Variants in NAV2 observed in about 807,000 individuals in gnomAD.
NAV2 encodes neuron navigator 2.
NAV2 carries 54 observed loss-of-function variants against 223.2 expected under a neutral mutation model. The ratio of observed to expected loss-of-function variants is 0.24; its 90% CI spans 0.19 to 0.30. The LOEUF (loss-of-function observed/expected upper bound fraction) is 0.30. NAV2 is among the 10% of genes least tolerant of loss of function. The pLI is 1.00. For missense variants in NAV2, 2,806 were observed against 3,147.5 expected, an observed-to-expected ratio of 0.89 and a Z score of 2.60; for synonymous variants, 1,279 against 1,239.3, an observed-to-expected ratio of 1.03 and a Z score of -0.67.
In NAV2 at chr11:19,663,857, CA is replaced by C. The variant is rs545389086; in HGVS notation, c.76-168626del. On this transcript the variant is annotated intron_variant, in intron 1 of 37. Transcript: ENST00000360655. ...ATCTTCGATGTTAAGAGTATGGACTCATTTTCTAATACATGTTTTCTGCTAT... is the reference window on the plus strand; with the variant it reads ...ATCTTCGATGTTAAGAGTATGGACTCTTTTCTAATACATGTTTTCTGCTAT... 8.5e-4 allele frequency among the ~76,000 whole-genome samples: 129 copies of C among 152,304 alleles called. 1 individual carries two copies. Among genetic ancestry groups the C allele is most frequent in the South Asian group, 3.1e-3 (15 of 4,822 alleles).
intron 1 of NAV2, among the ~76,000 whole-genome samples, chr11:19,732,570 AC>A (rs2051892374): frequency 6.6e-6 from 1 of 152,238 alleles, no homozygotes. Flanking sequence ...AGGTTAGGTA[AC>A]CAGCCCAAGG....
chr11:19,824,462 C>T (rs551926585), intron 1 of NAV2, among the ~76,000 whole-genome samples: 1 of 152,318 alleles, frequency 6.6e-6, no homozygotes, highest in African/African-American at 2.4e-5. Flanking sequence ...CAGAACCGGA[C>T]TTTTCTGAGA....
At chr11:19,451,748 A>C (rs1851796601) in intron 1 of NAV2, among the ~76,000 whole-genome samples, 1 of 152,192 alleles carries the variant, frequency 6.6e-6, no homozygotes, top group Non-Finnish European at 1.5e-5. Flanking sequence ...AAAGAAGGGA[A>C]GAGGGAGAGT....
intron 1 of NAV2, among the ~76,000 whole-genome samples, chr11:19,383,604 G>A (rs1183380367): frequency 1.3e-5 from 2 of 152,144 alleles, no homozygotes; most frequent in South Asian, 2.1e-4. Context: ...AGACTTCGGC[G>A]TCACACACAA....
At chr11:20,105,772 G>A in intron 35 of NAV2, 45 bp downstream of exon 35, 1 of 1,502,464 alleles carries the variant, frequency 6.7e-7, no homozygotes, top group South Asian at 1.2e-5. Flanking sequence ...GCATCCTCAG[G>A]TGCCCATCCT....
intron 1 of NAV2, among the ~76,000 whole-genome samples, chr11:19,762,637 T>C (rs2054858300): frequency 7.0e-6 from 1 of 142,810 alleles, no homozygotes; most frequent in African/African-American, 2.7e-5. Flanking sequence ...TTTTTTGAGA[T>C]GACATCTCAC....
chr11:20,090,691 C>A (rs2060780877), intron 26 of NAV2, among the ~76,000 whole-genome samples, 174 bp from the exon 27 acceptor site: 1 of 152,078 alleles, frequency 6.6e-6, no homozygotes, highest in African/African-American at 2.4e-5. Context: ...AAAAAGAATA[C>A]AGAGAAGGAA....
chr11:19,813,062 A>G (rs1399392925), intron 1 of NAV2, among the ~76,000 whole-genome samples: 1 of 152,130 alleles, frequency 6.6e-6, no homozygotes, highest in Non-Finnish European at 1.5e-5. Flanking sequence ...TAACCTCTAC[A>G]AAGTTGAATG....
chr11:19,780,580 G>A (rs1183924520), intron 1 of NAV2, among the ~76,000 whole-genome samples: 1 of 152,264 alleles, frequency 6.6e-6, no homozygotes. Flanking sequence ...GCTCTGCACA[G>A]GAGCCACTGC....
chr11:19,608,723 A>G (rs2046547775), intron 1 of NAV2, among the ~76,000 whole-genome samples: 1 of 152,232 alleles, frequency 6.6e-6, no homozygotes, highest in Non-Finnish European at 1.5e-5. Context: ...AGCCAGCTCT[A>G]TTGGTTCCCT....
At chr11:19,764,126 G>A (rs989352442) in intron 1 of NAV2, among the ~76,000 whole-genome samples, 2 of 152,202 alleles carry the variant, frequency 1.3e-5, no homozygotes, top group African/African-American at 4.8e-5. Context: ...GTGCCTTAGT[G>A]AAATCATGAA....
chr11:20,023,538 G>T (rs1275696400), intron 11 of NAV2, among the ~76,000 whole-genome samples: 1 of 152,166 alleles, frequency 6.6e-6, no homozygotes, highest in Non-Finnish European at 1.5e-5. Context: ...CAGCTGGTGG[G>T]GGCAGTACAG....
rs573665588 is a variant in NAV2, at chr11:19,670,339, T to C, written c.76-162145T>C. On this transcript the variant is annotated intron_variant, in intron 1 of 37. Transcript: ENST00000360655. The stretch of plus-strand genomic sequence containing the variant: ...GCCATCACAGCCTTGTTGGATTTCC[T>C]AGGAACTCCACAAGGAAAAGGCCAA... Among the ~76,000 whole-genome samples the C allele has an allele frequency of 4.5e-4, 69 of 152,264 alleles. 1 individual carries two copies. The South Asian group carries it at 0.014, about 31-fold the overall frequency.
intron 1 of NAV2, among the ~76,000 whole-genome samples, chr11:19,598,602 A>G (rs1329391796): frequency 6.6e-6 from 1 of 152,138 alleles, no homozygotes; most frequent in Non-Finnish European, 1.5e-5. Context: ...CAATGCTCTG[A>G]GGTTAATATA....
chr11:19,737,807 T>C (rs2052461607), intron 1 of NAV2, among the ~76,000 whole-genome samples: 1 of 152,230 alleles, frequency 6.6e-6, no homozygotes. Context: ...TTCTGAGACC[T>C]GAGCAGATCC....
intron 5 of NAV2, among the ~76,000 whole-genome samples, chr11:19,891,301 A>G (rs940272997): frequency 7.2e-5 from 11 of 152,332 alleles, no homozygotes; most frequent in African/African-American, 2.2e-4. Flanking sequence ...GTGGATTTCA[A>G]GCTGAAAGAT....
At chr11:19,479,186 A>G (rs1372023299) in intron 1 of NAV2, among the ~76,000 whole-genome samples, 2 of 152,146 alleles carry the variant, frequency 1.3e-5, no homozygotes, top group East Asian at 1.9e-4. Flanking sequence ...AGGTCAGGGA[A>G]GATGAACTCT....
intron 12 of NAV2, among the ~76,000 whole-genome samples, chr11:20,041,222 G>A (rs2056890536): frequency 6.6e-6 from 1 of 152,202 alleles, no homozygotes; most frequent in African/African-American, 2.4e-5. Context: ...AGGGAGGGCA[G>A]TGTGGCATGG....
intron 1 of NAV2, among the ~76,000 whole-genome samples, chr11:19,374,908 T>G (rs959614163): frequency 6.6e-5 from 10 of 152,186 alleles, no homozygotes; most frequent in African/African-American, 2.4e-4. Flanking sequence ...CCCATCCCCT[T>G]CCTGATTCTC....
Sources: allele counts gnomAD v4.1 joint callset (sites outside exome capture counted in the v4.1 genomes callset), GRCh38; gene constraint gnomAD v4.1.1; transcripts MANE v1.5; gene names NCBI Gene and HGNC (gene_info 2026-07-23, HGNC 2026-07-21).